The following FAM209A variants were observed in gnomAD, a reference collection of about 807,000 sequenced individuals.
The protein encoded by FAM209A is family with sequence similarity 209 member A, also known as protein FAM209A.
FAM209A carries 4 observed loss-of-function variants against 9.8 expected under a neutral mutation model. That is an observed-to-expected ratio of 0.41 (90% CI 0.20 to 0.94). The LOEUF (loss-of-function observed/expected upper bound fraction) is 0.94, where lower values mean the gene tolerates loss of function less well. Ranked by LOEUF, FAM209A falls within the 40% of genes least tolerant of loss-of-function variation. FAM209A has a pLI of 0.32. For missense variants in FAM209A, 205 were observed against 209.4 expected, an observed-to-expected ratio of 0.98 and a Z score of 0.13; for synonymous variants, 55 against 77.8, an observed-to-expected ratio of 0.71 and a Z score of 1.54.
At position 56,524,817 on chromosome 20, in the gene FAM209A, G is replaced by A. The variant is rs775461234; in HGVS notation, c.9G>A (p.Thr3=). 1.7e-5 allele frequency: 28 copies of A among 1,614,144 alleles called. No homozygotes were observed. Among genetic ancestry groups the A allele is most frequent in the Non-Finnish European group, 2.1e-5 (25 of 1,180,002 alleles). Residue 3 remains threonine, a synonymous_variant, in exon 1 of 2, where the codon ACG becomes ACA. Coordinates refer to ENST00000371328, the MANE Select transcript of FAM209A (RefSeq NM_001012971.4). MW[T]LKSSLVLLLC... ...CCCCATCTCTGCTCACCATGTGGAC[G>A]CTGAAATCGTCCCTGGTCCTGCTTC...
intron 1 of FAM209A, among the ~76,000 whole-genome samples, chr20:56,525,564 A>G (rs938265228): frequency 4.6e-5 from 7 of 152,166 alleles, no homozygotes; most frequent in Non-Finnish European, 8.8e-5. Context: ...TAGAAAAGGA[A>G]GGGGAGAGAA....
chr20:56,532,263 C>T, the FAM209A span, among the ~76,000 whole-genome samples: 3 of 151,926 alleles, frequency 2.0e-5, no homozygotes, highest in Non-Finnish European at 4.4e-5. Context: ...GTGTGAGCCA[C>T]CAGGCCTGGC....
downstream of FAM209A, among the ~76,000 whole-genome samples, chr20:56,528,427 C>CAAAA (rs34236877): frequency 9.6e-4 from 78 of 81,314 alleles, no homozygotes; most frequent in African/African-American, 1.6e-3. Flanking sequence ...ACCCTCTCTA[C>CAAAA]AAAAAAAAAA....
At chr20:56,525,425 A>G (rs1319092211) in intron 1 of FAM209A, among the ~76,000 whole-genome samples, 1 of 152,228 alleles carries the variant, frequency 6.6e-6, no homozygotes, top group Non-Finnish European at 1.5e-5. Flanking sequence ...TGTTTGACTT[A>G]CTACAAAATC....
chr20:56,527,751 G>A (rs904628286), downstream of FAM209A, among the ~76,000 whole-genome samples: 3 of 152,246 alleles, frequency 2.0e-5, no homozygotes, highest in Admixed American at 1.3e-4. Flanking sequence ...CTGCCTCGAA[G>A]GCATAGGCGT....
chr20:56,524,906 A>G lies in FAM209A; in HGVS notation c.98A>G (p.Gln33Arg), dbSNP rs768502335. 1.7e-5 allele frequency: 27 copies of G among 1,613,798 alleles called. No individual in the cohort carries two copies. In the Admixed American group the frequency reaches 3.3e-4, roughly 20 times the overall value. The change falls in exon 1 of 2, where the codon CAG becomes CGG. Residue 33 changes from glutamine to arginine, a missense_variant. By Grantham distance (43) the Gln-to-Arg change is conservative. Transcript: ENST00000371328. ...CTGAGACAGAAAACTAGCGAACCCC[A>G]GGGGAAGGTGCAATACGGAGAGCAC... ...SSLRQKTSEPQGKVQYGEHFR... is the reference protein window; with the variant it reads ...SSLRQKTSEPRGKVQYGEHFR...
chr20:56,531,242 T>C, the FAM209A span, among the ~76,000 whole-genome samples: 6 of 152,230 alleles, frequency 3.9e-5, no homozygotes, highest in East Asian at 9.6e-4. Context: ...AGCAGTCCCC[T>C]TGTGCTCGTC....
chr20:56,530,940 C>T (rs1985724341), downstream of FAM209A, among the ~76,000 whole-genome samples: 1 of 152,188 alleles, frequency 6.6e-6, no homozygotes, highest in Non-Finnish European at 1.5e-5. Context: ...ATCTGCGAAT[C>T]AGAGCCTTCC....
At chr20:56,530,329 A>C (rs1985700481), downstream of FAM209A, among the ~76,000 whole-genome samples, 1 of 152,236 alleles carries the variant, frequency 6.6e-6, no homozygotes. Flanking sequence ...CAAGTTTGTC[A>C]TGTGGAGGAG....
At chr20:56,528,427 CAAAAAAAAAAAAAA>C (rs34236877), downstream of FAM209A, among the ~76,000 whole-genome samples, 10 of 81,854 alleles carry the variant, frequency 1.2e-4, no homozygotes, top group African/African-American at 4.9e-4. Context: ...ACCCTCTCTA[CAAAAAAAAAAAAAA>C]AAAAAAAAAA....
downstream of FAM209A, among the ~76,000 whole-genome samples, chr20:56,528,349 A>G (rs1278648580): frequency 6.9e-6 from 1 of 145,056 alleles, no homozygotes; most frequent in Admixed American, 7.2e-5. Flanking sequence ...TCTTAGCACT[A>G]TGGGAAATTG....
chr20:56,525,753 A>G (rs775093488), intron 1 of FAM209A, 51 bp from the exon 2 acceptor site: 24 of 1,581,698 alleles, frequency 1.5e-5, no homozygotes, highest in Non-Finnish European at 2.6e-6. Context: ...GAACTGTGTC[A>G]AAACCAACAA....
chr20:56,533,169 G>A, the FAM209A span: 15 of 1,477,494 alleles, frequency 1.0e-5, no homozygotes, highest in Admixed American at 1.2e-4. Context: ...TCCTCCTCCC[G>A]GGCGACTCCT....
At chr20:56,528,315 G>A (rs1254201612), downstream of FAM209A, among the ~76,000 whole-genome samples, 6 of 151,282 alleles carry the variant, frequency 4.0e-5, no homozygotes, top group South Asian at 2.1e-4. Context: ...TTTGGGGGCT[G>A]GGCAAAATGA....
rs143740602 is a variant in FAM209A, at chr20:56,525,108, C to T, written c.249+51C>T. On this transcript the variant is annotated intron_variant, in intron 1 of 1. Coordinates refer to ENST00000371328, the MANE Select transcript of FAM209A (RefSeq NM_001012971.4). ...ACCATATTGATTCAATCTCAGGAGT[C>T]TCAGGGAAACGGATGTTCTAGTGAG... The T allele has an allele frequency of 5.4e-4, 865 of 1,598,452 alleles. 9 individuals carry two copies. In the East Asian group the frequency reaches 0.017, roughly 31 times the overall value.
chr20:56,531,176 C>T, the FAM209A span, among the ~76,000 whole-genome samples: 1 of 152,184 alleles, frequency 6.6e-6, no homozygotes, highest in African/African-American at 2.4e-5. Context: ...TAATCATCTC[C>T]CCTGCTCTAC....
downstream of FAM209A, among the ~76,000 whole-genome samples, chr20:56,530,660 C>T (rs1365633495): frequency 2.4e-5 from 3 of 125,858 alleles, no homozygotes; most frequent in Non-Finnish European, 4.9e-5. Flanking sequence ...CCACACTCAG[C>T]TAATTTTTTT....
chr20:56,529,260 T>TACA (rs1398868373), downstream of FAM209A, among the ~76,000 whole-genome samples: 1 of 151,844 alleles, frequency 6.6e-6, no homozygotes, highest in Non-Finnish European at 1.5e-5. Flanking sequence ...CTCACACCTG[T>TACA]AATCCCAGCA....
chr20:56,531,974 C>CTTTTTTTTTTTTTTTTTTTT, the FAM209A span, among the ~76,000 whole-genome samples: 1 of 113,034 alleles, frequency 8.8e-6, no homozygotes, highest in Non-Finnish European at 1.7e-5. Flanking sequence ...CTTTTCTTTT[C>CTTTTTTTTTTTTTTTTTTTT]TTTTTTTTTT....
Sources: gnomAD v4.1 joint callset for allele counts (sites outside exome capture counted in the v4.1 genomes callset) on GRCh38, gnomAD v4.1.1 for gene constraint, MANE v1.5 for transcripts, NCBI Gene and HGNC (gene_info 2026-07-23, HGNC 2026-07-21) for gene names.